The following FAM228B variants were observed in gnomAD, a reference collection of about 807,000 sequenced individuals.
The protein encoded by FAM228B is protein FAM228B.
A neutral mutation model predicts 42.6 loss-of-function variants in FAM228B; 38 were observed. That is an observed-to-expected ratio of 0.89 (90% CI 0.69 to 1.17). The LOEUF is 1.17. Among genes scored for constraint, FAM228B ranks in the 50% most tolerant of loss-of-function variants. The pLI is 0.00. For missense variants in FAM228B, 344 were observed against 367.3 expected (o/e 0.94, Z 0.52); for synonymous variants, 109 against 122.3 (o/e 0.89, Z 0.72).
intron 8 of FAM228B, among the ~76,000 whole-genome samples, chr2:24,162,620 T>C (rs1667311260): frequency 6.6e-6 from 1 of 152,154 alleles, no homozygotes; most frequent in Non-Finnish European, 1.5e-5. Flanking sequence ...GGCTAGGATA[T>C]GGATGTTCAT....
intron 3 of FAM228B, among the ~76,000 whole-genome samples, chr2:24,135,462 T>C (rs1440611935): frequency 6.6e-6 from 1 of 152,174 alleles, no homozygotes; most frequent in African/African-American, 2.4e-5. Context: ...GCAGTCACTA[T>C]AAATGAGCTA....
chr2:24,122,190 G>A (rs1383141719), upstream of FAM228B, among the ~76,000 whole-genome samples: 1 of 151,878 alleles, frequency 6.6e-6, no homozygotes, highest in Non-Finnish European at 1.5e-5. Context: ...AAATTAGCCG[G>A]GCCTGGTAGC....
intron 7 of FAM228B, among the ~76,000 whole-genome samples, chr2:24,156,138 T>C (rs1421831461): frequency 1.3e-5 from 2 of 152,180 alleles, no homozygotes; most frequent in Non-Finnish European, 2.9e-5. Flanking sequence ...GTCACAAATA[T>C]TCAATTGTCT....
chr2:24,132,648 C>A (rs866791261), intron 2 of FAM228B, among the ~76,000 whole-genome samples: 1 of 151,534 alleles, frequency 6.6e-6, no homozygotes, highest in Non-Finnish European at 1.5e-5. Flanking sequence ...CAGAGTTGGT[C>A]TCCATTGATT....
intron 3 of FAM228B, chr2:24,115,745 G>GAAACAAGGGTGACTGGATAGTTGAAACA (rs1665894564): frequency 1.1e-6 from 1 of 909,552 alleles, no homozygotes; most frequent in African/African-American, 1.7e-5. Flanking sequence ...AGGTACTGGA[G>GAAACAAGGGTGACTGGATAGTTGAAACA]AAACAAGGGT....
chr2:24,129,528 A>C (rs10197527), intron 2 of FAM228B, among the ~76,000 whole-genome samples: 46,965 of 151,584 alleles, frequency 0.31, 7,681 homozygotes, highest in South Asian at 0.43. Context: ...TCTAATCTTT[A>C]TTCTTCCTTT....
intron 7 of FAM228B, among the ~76,000 whole-genome samples, chr2:24,148,348 A>G (rs1666944909): frequency 6.6e-6 from 1 of 152,202 alleles, no homozygotes; most frequent in Admixed American, 6.5e-5. Flanking sequence ...GTGGACGCAG[A>G]GGAATATCCC....
At chr2:24,110,374 C>A (rs1665769577) in intron 3 of FAM228B, among the ~76,000 whole-genome samples, 1 of 152,122 alleles carries the variant, frequency 6.6e-6, no homozygotes, top group African/African-American at 2.4e-5. Flanking sequence ...AGCTTCAGGG[C>A]AGGGGCTGGT....
At chr2:24,134,115 A>T (rs891069765) in intron 2 of FAM228B, among the ~76,000 whole-genome samples, 2 of 152,198 alleles carry the variant, frequency 1.3e-5, no homozygotes, top group Admixed American at 6.5e-5. Context: ...TTTTGAGAAG[A>T]TCTAATTACT....
intron 3 of FAM228B, among the ~76,000 whole-genome samples, chr2:24,100,865 A>G (rs1245012946): frequency 6.6e-6 from 1 of 152,240 alleles, no homozygotes; most frequent in East Asian, 1.9e-4. Flanking sequence ...AACCAACCCA[A>G]ATGTCCATCA....
chr2:24,111,415 A>T (rs1253813302), intron 3 of FAM228B, among the ~76,000 whole-genome samples: 2 of 152,164 alleles, frequency 1.3e-5, no homozygotes, highest in Admixed American at 1.3e-4. Context: ...CAATATGTTC[A>T]CATGTTCAAG....
At chr2:24,083,489 T>G (rs1279040379) in intron 2 of FAM228B, among the ~76,000 whole-genome samples, 1 of 152,152 alleles carries the variant, frequency 6.6e-6, no homozygotes, top group African/African-American at 2.4e-5. Flanking sequence ...CATCAAGCGC[T>G]AGGCTCTGTG....
At chr2:24,144,422 T>C (rs1256303490) in intron 5 of FAM228B, among the ~76,000 whole-genome samples, 1 of 152,194 alleles carries the variant, frequency 6.6e-6, no homozygotes, top group African/African-American at 2.4e-5. Flanking sequence ...CGAGACCCTG[T>C]CGGAGAGCTT....
At chr2:24,135,566 CAAG>C (rs1402868296) in intron 3 of FAM228B, among the ~76,000 whole-genome samples, 3 of 152,174 alleles carry the variant, frequency 2.0e-5, no homozygotes, top group Non-Finnish European at 4.4e-5. Flanking sequence ...CTTAATGTGA[CAAG>C]AAGAACATCC....
intron 1 of FAM228B, among the ~76,000 whole-genome samples, 189 bp downstream of exon 1, chr2:24,123,722 G>T (rs1262652174): frequency 1.3e-5 from 2 of 151,430 alleles, no homozygotes; most frequent in South Asian, 4.2e-4. Flanking sequence ...CGGTCCCCGC[G>T]CACGACGCGC....
At chr2:24,112,296 CTTTT>C (rs397984067) in intron 3 of FAM228B, among the ~76,000 whole-genome samples, 6 of 95,726 alleles carry the variant, frequency 6.3e-5, no homozygotes, top group Admixed American at 3.7e-4. Flanking sequence ...AAGCTTTCAT[CTTTT>C]TTTTTTTTTT....
At chr2:24,089,752 G>A (rs72783622) in intron 2 of FAM228B, among the ~76,000 whole-genome samples, 9 of 152,224 alleles carry the variant, frequency 5.9e-5, no homozygotes, top group Non-Finnish European at 1.0e-4. Context: ...AAGATTTGGG[G>A]ATAGTTTATT....
chr2:24,101,205 A>T (rs1216912802), intron 3 of FAM228B, among the ~76,000 whole-genome samples: 1 of 152,208 alleles, frequency 6.6e-6, no homozygotes, highest in Non-Finnish European at 1.5e-5. Context: ...TGGCACATGT[A>T]TACCTATGTA....
intron 3 of FAM228B, chr2:24,115,354 A>G (rs111504414): frequency 1.9e-6 from 1 of 529,782 alleles, no homozygotes; most frequent in Non-Finnish European, 3.4e-6. Flanking sequence ...TGAAATGATC[A>G]GTGCTCTCTC....
Sources: allele counts gnomAD v4.1 joint callset (sites outside exome capture counted in the v4.1 genomes callset), GRCh38; gene constraint gnomAD v4.1.1; transcripts MANE v1.5; gene names NCBI Gene and HGNC (gene_info 2026-07-23, HGNC 2026-07-21).